The following MACROD2 variants were observed in gnomAD, a reference collection of about 807,000 sequenced individuals.
MACROD2 encodes mono-ADP ribosylhydrolase 2.
MACROD2 carries 36 observed loss-of-function variants against 70.4 expected under a neutral mutation model. That is an observed-to-expected ratio of 0.51 (90% CI 0.39 to 0.68). MACROD2 has a LOEUF of 0.68. Ranked by LOEUF, MACROD2 falls within the 30% of genes least tolerant of loss-of-function variation. The pLI, the probability that MACROD2 is intolerant of heterozygous loss-of-function variation, is 0.00. For missense variants in MACROD2, 496 were observed against 538.4 expected (o/e 0.92, Z 0.78); for synonymous variants, 172 against 178.8 (o/e 0.96, Z 0.30).
At chr20:15,793,141 G>A (rs1260924880) in intron 8 of MACROD2, among the ~76,000 whole-genome samples, 1 of 152,094 alleles carries the variant, frequency 6.6e-6, no homozygotes, top group Non-Finnish European at 1.5e-5. Flanking sequence ...GTGTGCATGC[G>A]CATGTGTGTG....
intron 3 of MACROD2, among the ~76,000 whole-genome samples, chr20:14,373,055 C>T (rs2083341240): frequency 6.6e-6 from 1 of 152,126 alleles, no homozygotes; most frequent in Non-Finnish European, 1.5e-5. Flanking sequence ...CTACTAAAGA[C>T]TCTCTATAGT....
chr20:15,750,597 A>G (rs528786188), intron 8 of MACROD2, among the ~76,000 whole-genome samples: 4 of 152,072 alleles, frequency 2.6e-5, no homozygotes, highest in African/African-American at 9.6e-5. Flanking sequence ...TAATCCAGCA[A>G]TCCCATTACT....
chr20:14,439,292 A>G (rs568986053), intron 3 of MACROD2, among the ~76,000 whole-genome samples: 189 of 152,118 alleles, frequency 1.2e-3, no homozygotes, highest in Middle Eastern at 3.4e-3. Context: ...TGTTTTGATT[A>G]CTGTAGCTTT....
intron 8 of MACROD2, among the ~76,000 whole-genome samples, chr20:15,636,376 T>C (rs2049369636): frequency 6.6e-6 from 1 of 152,170 alleles, no homozygotes; most frequent in African/African-American, 2.4e-5. Context: ...TCCACCTCCA[T>C]GGTAATACTT....
chr20:15,371,513 A>G (rs1332856006), intron 6 of MACROD2, among the ~76,000 whole-genome samples: 1 of 152,190 alleles, frequency 6.6e-6, no homozygotes, highest in Admixed American at 6.5e-5. Context: ...AAGACCACCA[A>G]CAGTGCTATA....
intron 10 of MACROD2, among the ~76,000 whole-genome samples, chr20:15,893,320 C>T (rs1301437875): frequency 3.3e-5 from 5 of 152,202 alleles, no homozygotes; most frequent in Admixed American, 2.6e-4. Flanking sequence ...AAGTGAAGGT[C>T]AAGATTTGCA....
chr20:15,846,599 A>G (rs1158779886), intron 8 of MACROD2, among the ~76,000 whole-genome samples: 3 of 152,160 alleles, frequency 2.0e-5, no homozygotes, highest in Non-Finnish European at 4.4e-5. Context: ...TTGGACACCA[A>G]AAGGAAAAAA....
chr20:15,926,607 T>A (rs2065493201), intron 10 of MACROD2, among the ~76,000 whole-genome samples: 1 of 152,124 alleles, frequency 6.6e-6, no homozygotes, highest in Non-Finnish European at 1.5e-5. Flanking sequence ...GATGCAATTT[T>A]AAATGGAAGG....
intron 12 of MACROD2, among the ~76,000 whole-genome samples, chr20:15,955,592 C>T (rs901736256): frequency 2.0e-5 from 3 of 152,186 alleles, no homozygotes; most frequent in African/African-American, 7.2e-5. Context: ...CAAATAAACA[C>T]GTATTTAAGT....
chr20:14,873,781 C>G (rs1568847813), intron 5 of MACROD2, among the ~76,000 whole-genome samples: 1 of 152,096 alleles, frequency 6.6e-6, no homozygotes, highest in African/African-American at 2.4e-5. Flanking sequence ...ATCGCTTGAA[C>G]CCAGGAGGCA....
chr20:14,332,015 A>C (rs1299300446), intron 3 of MACROD2, among the ~76,000 whole-genome samples: 1 of 152,136 alleles, frequency 6.6e-6, no homozygotes, highest in Admixed American at 6.6e-5. Context: ...TGGGAGGAAA[A>C]CATAAATGAA....
intron 6 of MACROD2, among the ~76,000 whole-genome samples, chr20:15,389,187 A>G (rs1187349102): frequency 2.0e-5 from 3 of 152,158 alleles, no homozygotes; most frequent in Middle Eastern, 3.2e-3. Context: ...TAGGGTTGCC[A>G]GATTTAGCAA....
At chr20:14,475,067 G>A (rs942699674) in intron 3 of MACROD2, among the ~76,000 whole-genome samples, 6 of 151,168 alleles carry the variant, frequency 4.0e-5, no homozygotes, top group African/African-American at 1.2e-4. Flanking sequence ...TTGTGATTAG[G>A]TGGTTTTCTC....
chr20:14,186,043 G>C (rs2081341436), intron 3 of MACROD2, among the ~76,000 whole-genome samples: 2 of 152,034 alleles, frequency 1.3e-5, no homozygotes, highest in African/African-American at 2.4e-5. Context: ...TTCTTCCCCA[G>C]GTGTATAGCT....
At chr20:14,393,985 GAA>G (rs1339013500) in intron 3 of MACROD2, among the ~76,000 whole-genome samples, 1 of 152,142 alleles carries the variant, frequency 6.6e-6, no homozygotes, top group African/African-American at 2.4e-5. Flanking sequence ...CCGTCACTAA[GAA>G]CTGAATCTGC....
At chr20:16,026,718 G>A (rs2067085774) in intron 15 of MACROD2, among the ~76,000 whole-genome samples, 1 of 152,142 alleles carries the variant, frequency 6.6e-6, no homozygotes, top group Non-Finnish European at 1.5e-5. Context: ...AGACAGTCAA[G>A]GAGTTTTTTT....
intron 8 of MACROD2, among the ~76,000 whole-genome samples, chr20:15,835,358 G>GT (rs1430076232): frequency 2.6e-5 from 4 of 151,736 alleles, no homozygotes; most frequent in Non-Finnish European, 4.4e-5. Context: ...ATATTATGGA[G>GT]TCAAAAAAAA....
At chr20:15,077,056 T>C (rs1296936414) in intron 5 of MACROD2, among the ~76,000 whole-genome samples, 1 of 152,178 alleles carries the variant, frequency 6.6e-6, no homozygotes, top group Non-Finnish European at 1.5e-5. Flanking sequence ...TTAGCCAGAA[T>C]AGGGAGCAAA....
At chr20:15,016,332 C>A (rs2075121050) in intron 5 of MACROD2, among the ~76,000 whole-genome samples, 1 of 152,154 alleles carries the variant, frequency 6.6e-6, no homozygotes, top group African/African-American at 2.4e-5. Flanking sequence ...TTCTTTCTTT[C>A]TAAAACTGTC....
Sources: allele counts gnomAD v4.1 joint callset (sites outside exome capture counted in the v4.1 genomes callset), GRCh38; gene constraint gnomAD v4.1.1; transcripts MANE v1.5; gene names NCBI Gene and HGNC (gene_info 2026-07-23, HGNC 2026-07-21).